Variants in BRMS1L observed in about 807,000 individuals in gnomAD.
BRMS1L encodes BRMS1 like transcriptional repressor, also known as breast cancer metastasis-suppressor 1-like protein.
In BRMS1L, 23 loss-of-function variants were observed where a neutral mutation model predicts 50.3. The ratio of observed to expected loss-of-function variants is 0.46; its 90% CI spans 0.33 to 0.65. The LOEUF (loss-of-function observed/expected upper bound fraction) is 0.65. BRMS1L is among the 30% of genes least tolerant of loss of function. The pLI is 0.02. For synonymous variants in BRMS1L, 114 were observed against 126.9 expected (o/e 0.90, Z 0.69); for missense variants, 286 against 386.1 (o/e 0.74, Z 2.17).
chr14:35,831,538 T>G lies in BRMS1L; in HGVS notation c.233+38T>G, dbSNP rs372564543. On this transcript the variant is annotated intron_variant, in intron 2 of 9. Coordinates refer to ENST00000216807, the MANE Select transcript of BRMS1L (RefSeq NM_032352.4). ...TTTAGAAGGCCATTGTCACTGAATC[T>G]CAACCTTGTCACTTGTATACTAGCA... is the stretch of plus-strand genomic sequence containing the variant. 4.1e-5 allele frequency: 60 copies of G among 1,456,058 alleles called. No individual in the cohort carries two copies. In the African/African-American group the frequency reaches 8.0e-4, roughly 19 times the overall value. 90.2% of individuals were successfully genotyped at this position (1,456,058 alleles called of 1,614,324 possible). A position where few individuals can be genotyped will look rare whatever the true frequency, so the allele number is the denominator to read the frequency against.
chr14:35,826,439 G>A lies in BRMS1L; in HGVS notation c.-78G>A. On this transcript the variant is annotated 5_prime_UTR_variant, in exon 1 of 10. Coordinates refer to ENST00000216807, the MANE Select transcript of BRMS1L (RefSeq NM_032352.4). Reference sequence around the variant, plus strand: ...AAGCTCGGTGGCTGGGTGGGTTGGGGCGTTCCGCGCGCCCTTCATTGAAGC... The same window carrying A: ...AAGCTCGGTGGCTGGGTGGGTTGGGACGTTCCGCGCGCCCTTCATTGAAGC... The A allele has an allele frequency of 1.3e-6, 2 of 1,541,504 alleles. No homozygotes were observed. Among genetic ancestry groups the A allele is most frequent in the Non-Finnish European group, 1.7e-6 (2 of 1,144,018 alleles).
chr14:35,853,295 C>G (rs1025027125), intron 4 of BRMS1L, among the ~76,000 whole-genome samples: 7 of 151,470 alleles, frequency 4.6e-5, no homozygotes, highest in African/African-American at 1.7e-4. Context: ...TAGCATATAT[C>G]TTGATGATTT....
chr14:35,860,993 G>A (rs1482398055), intron 4 of BRMS1L, among the ~76,000 whole-genome samples: 1 of 152,212 alleles, frequency 6.6e-6, no homozygotes, highest in Non-Finnish European at 1.5e-5. Flanking sequence ...AAGAGAGTTA[G>A]CCCCCTTCTT....
intron 1 of BRMS1L, among the ~76,000 whole-genome samples, chr14:35,827,000 T>C (rs2077855160): frequency 6.6e-6 from 1 of 152,160 alleles, no homozygotes; most frequent in African/African-American, 2.4e-5. Context: ...CCGACCTCTT[T>C]CCCTATTTTC....
intron 4 of BRMS1L, among the ~76,000 whole-genome samples, chr14:35,843,428 C>G (rs2078091877): frequency 6.6e-6 from 1 of 152,178 alleles, no homozygotes; most frequent in Admixed American, 6.5e-5. Flanking sequence ...TCCTTGTTAA[C>G]AGTCAGGCCC....
Position 35,870,624 on chromosome 14 carries a change from A to ATTGATATGTT in BRMS1L, c.*148_*157dup. On this transcript the variant is annotated 3_prime_UTR_variant, in exon 10 of 10. Transcript: ENST00000216807. ...GTAGGTAGTACTCTAAATAGATCTC[A>ATTGATATGTT]TTGATATGTTATTAAAAGAAACAGT... is the stretch of plus-strand genomic sequence containing the variant. The ATTGATATGTT allele has an allele frequency of 2.2e-6, 1 of 460,790 alleles. No homozygotes were observed. Among genetic ancestry groups the ATTGATATGTT allele is most frequent in the Non-Finnish European group, 4.0e-6 (1 of 251,712 alleles). The allele number at this position is 460,790 out of a possible 1,614,324, so 28.5% of individuals were successfully genotyped here. A position where few individuals can be genotyped will look rare whatever the true frequency, so the allele number is the denominator to read the frequency against.
At chr14:35,833,715 GAT>G (rs138027774) in intron 3 of BRMS1L, among the ~76,000 whole-genome samples, 2 of 151,994 alleles carry the variant, frequency 1.3e-5, no homozygotes, top group African/African-American at 4.8e-5. Context: ...ATAATCAAGG[GAT>G]ATATATATGA....
intron 4 of BRMS1L, among the ~76,000 whole-genome samples, chr14:35,840,097 C>T (rs1312537606): frequency 2.0e-5 from 3 of 152,084 alleles, no homozygotes; most frequent in South Asian, 4.1e-4. Flanking sequence ...TGAATTTTAT[C>T]GAAGACATTT....
rs1425759998 is a variant in BRMS1L, at chr14:35,871,839, ATG to A, written c.*1364_*1365del. 6.5e-6 allele frequency: 1 copy of A among 152,676 alleles called. No homozygotes were observed. Among genetic ancestry groups the A allele is most frequent in the Non-Finnish European group, 1.5e-5 (1 of 68,048 alleles). 9.5% of individuals were successfully genotyped at this position (152,676 alleles called of 1,614,324 possible). On this transcript the variant is annotated 3_prime_UTR_variant, in exon 10 of 10. Coordinates refer to ENST00000216807, the MANE Select transcript of BRMS1L (RefSeq NM_032352.4). ...TTCTGTTTCTAATTAACCTTAGCAAATGTACATAATGTCAAAACCCAATAGTA... is the reference window on the plus strand; with the variant it reads ...TTCTGTTTCTAATTAACCTTAGCAAATACATAATGTCAAAACCCAATAGTA...
At chr14:35,834,647 C>A (rs2899840) in intron 3 of BRMS1L, among the ~76,000 whole-genome samples, 197 bp from the exon 4 acceptor site, 2 of 152,084 alleles carry the variant, frequency 1.3e-5, no homozygotes, top group Middle Eastern at 3.4e-3. Context: ...CTTTCTAGCT[C>A]TTATAATTTC....
intron 4 of BRMS1L, among the ~76,000 whole-genome samples, chr14:35,844,948 A>T (rs141892177): frequency 2.8e-4 from 43 of 152,024 alleles, no homozygotes; most frequent in Middle Eastern, 3.4e-3. Flanking sequence ...TGGCCTGATT[A>T]TAGCTCACTG....
chr14:35,862,246 T>C (rs569006655), intron 4 of BRMS1L, among the ~76,000 whole-genome samples: 1 of 152,198 alleles, frequency 6.6e-6, no homozygotes, highest in Non-Finnish European at 1.5e-5. Flanking sequence ...GGATAAGTTT[T>C]CCATGATGGT....
intron 4 of BRMS1L, among the ~76,000 whole-genome samples, chr14:35,839,481 T>A (rs1480063943): frequency 1.3e-5 from 2 of 152,254 alleles, no homozygotes; most frequent in Admixed American, 6.5e-5. Flanking sequence ...ATTTTCACGA[T>A]ACTGATTCTT....
intron 4 of BRMS1L, among the ~76,000 whole-genome samples, chr14:35,843,033 A>G (rs767010897): frequency 6.6e-6 from 1 of 152,176 alleles, no homozygotes; most frequent in Admixed American, 6.6e-5. Flanking sequence ...CCATCAGGAC[A>G]TTTATGTTCT....
chr14:35,843,074 C>T (rs1440783939), intron 4 of BRMS1L, among the ~76,000 whole-genome samples: 1 of 152,150 alleles, frequency 6.6e-6, no homozygotes. Context: ...GTTAGCAGTT[C>T]CTGTAGCCTT....
intron 8 of BRMS1L, among the ~76,000 whole-genome samples, chr14:35,866,716 A>G (rs935246841): frequency 2.6e-5 from 4 of 152,070 alleles, no homozygotes. Context: ...AAAAAATTGC[A>G]TTTTATTTTT....
chr14:35,864,888 T>C lies in BRMS1L; in HGVS notation c.623-47T>C, dbSNP rs370649020. Reference sequence around the variant, plus strand: ...GAAATGTAGTACTTTGGAAATATAATTCAAAGTGTGATATTCTTACAGCTA... The same window carrying C: ...GAAATGTAGTACTTTGGAAATATAACTCAAAGTGTGATATTCTTACAGCTA... On this transcript the variant is annotated intron_variant, in intron 6 of 9. Transcript: ENST00000216807. 20 of 1,280,044 alleles carry C rather than the reference T, an allele frequency of 1.6e-5. No homozygotes were observed. The African/African-American group carries it at 2.7e-4, about 17-fold the overall frequency. The allele number at this position is 1,280,044 out of a possible 1,614,324, so 79.3% of individuals were successfully genotyped here. A position where few individuals can be genotyped will look rare whatever the true frequency, so the allele number is the denominator to read the frequency against.
At chr14:35,827,088 A>G (rs536448473) in intron 1 of BRMS1L, among the ~76,000 whole-genome samples, 141 of 152,198 alleles carry the variant, frequency 9.3e-4, no homozygotes, top group Non-Finnish European at 1.9e-3. Flanking sequence ...CTCAGTTTGC[A>G]AGTCAACTTG....
At chr14:35,832,902 A>G in intron 2 of BRMS1L, 76 bp from the exon 3 acceptor site, 3 of 1,328,446 alleles carry the variant, frequency 2.3e-6, no homozygotes, top group Non-Finnish European at 3.1e-6. Context: ...TTGGGAACAA[A>G]TAATGTATAG....
Sources: allele counts gnomAD v4.1 joint callset (sites outside exome capture counted in the v4.1 genomes callset), GRCh38; gene constraint gnomAD v4.1.1; transcripts MANE v1.5; gene names NCBI Gene and HGNC (gene_info 2026-07-23, HGNC 2026-07-21).